The following FUT9 variants were observed in gnomAD, a reference collection of about 807,000 sequenced individuals.
The protein encoded by FUT9 is 4-galactosyl-N-acetylglucosaminide 3-alpha-L-fucosyltransferase 9.
In FUT9, 15 loss-of-function variants were observed where a neutral mutation model predicts 29.7. The ratio of observed to expected loss-of-function variants is 0.51; its 90% confidence interval spans 0.34 to 0.78. The LOEUF (loss-of-function observed/expected upper bound fraction) is 0.78, where lower values mean the gene tolerates loss of function less well. Ranked by LOEUF, FUT9 falls within the 30% of genes least tolerant of loss-of-function variation. The pLI is 0.01. For missense variants in FUT9, 319 were observed against 425.4 expected (o/e 0.75, Z 2.20); for synonymous variants, 169 against 153.7 (o/e 1.10, Z -0.74).
In FUT9 at chr6:96,210,646, A is replaced by G. The variant is rs1224173182; in HGVS notation, c.*6411A>G. ...CTTTCTAGGTTCTAACTGCATGTTT[A>G]TATTTTGCAACAGGAAAGACTGGTC... On this transcript the variant is annotated 3_prime_UTR_variant, in exon 3 of 3. Coordinates refer to ENST00000302103, the MANE Select transcript of FUT9 (RefSeq NM_006581.4). 1 of 166,972 alleles carries G rather than the reference A, an allele frequency of 6.0e-6. No individual in the cohort carries two copies. The highest frequency in any genetic ancestry group is 2.4e-5 in the African/African-American group (1 of 41,456). The allele number at this position is 166,972 out of a possible 1,614,324, so 10.3% of individuals were successfully genotyped here. A position where few individuals can be genotyped will look rare whatever the true frequency, so the allele number is the denominator to read the frequency against.
Position 96,204,188 on chromosome 6 carries a change from CAAGAATAT to C in FUT9, c.1037_1044del (p.Glu346ValfsTer4). 6.8e-7 allele frequency: 1 copy of C among 1,478,446 alleles called. No homozygotes were observed. The highest frequency in any genetic ancestry group is 9.0e-7 in the Non-Finnish European group (1 of 1,112,256). 91.6% of individuals were successfully genotyped at this position (1,478,446 alleles called of 1,614,324 possible). Reference sequence around the variant, plus strand: ...GGCTTGCGATCATGTGAAAAGGCATCAAGAATATAAGTCTGTTGGTAATTTAGAGAAAT... The same window carrying C: ...GGCTTGCGATCATGTGAAAAGGCATCAAGTCTGTTGGTAATTTAGAGAAAT... On this transcript the variant is annotated frameshift_variant, in exon 3 of 3. Transcript: ENST00000302103. LOFTEE classifies it high-confidence loss of function.
Position 96,211,892 on chromosome 6 carries a change from C to A in FUT9, c.*7657C>A. On this transcript the variant is annotated 3_prime_UTR_variant, in exon 3 of 3. Coordinates refer to ENST00000302103, the MANE Select transcript of FUT9 (RefSeq NM_006581.4). ...AAAAACTGATTTATTTTTCTGAGTTCTCTGGAAACCAAACAATTTTGAATT... is the reference window on the plus strand; with the variant it reads ...AAAAACTGATTTATTTTTCTGAGTTATCTGGAAACCAAACAATTTTGAATT... 2.5e-6 allele frequency: 1 copy of A among 401,846 alleles called. No homozygotes were observed. The highest frequency in any genetic ancestry group is 3.6e-5 in the East Asian group (1 of 27,482). The allele number at this position is 401,846 out of a possible 1,614,324, so 24.9% of individuals were successfully genotyped here. A position where few individuals can be genotyped will look rare whatever the true frequency, so the allele number is the denominator to read the frequency against.
chr6:96,113,650 A>T (rs1009431975), intron 1 of FUT9, among the ~76,000 whole-genome samples: 1 of 151,656 alleles, frequency 6.6e-6, no homozygotes, highest in Non-Finnish European at 1.5e-5. Flanking sequence ...CAGGAGATCA[A>T]GACCATCCTG....
intron 2 of FUT9, among the ~76,000 whole-genome samples, chr6:96,121,881 T>C (rs944823255): frequency 6.6e-6 from 1 of 152,062 alleles, no homozygotes; most frequent in Non-Finnish European, 1.5e-5. Flanking sequence ...GGGTAAAACC[T>C]AGTATATGCC....
At chr6:96,070,205 T>G (rs1303783785) in intron 1 of FUT9, among the ~76,000 whole-genome samples, 1 of 152,204 alleles carries the variant, frequency 6.6e-6, no homozygotes, top group Non-Finnish European at 1.5e-5. Flanking sequence ...ATTACATACT[T>G]AAAATGTTTA....
chr6:96,076,318 A>C (rs1301426903), intron 1 of FUT9, among the ~76,000 whole-genome samples: 1 of 152,188 alleles, frequency 6.6e-6, no homozygotes, highest in Non-Finnish European at 1.5e-5. Context: ...ACACAATGTT[A>C]AGGACTGCAA....
At chr6:96,092,804 C>G (rs1400133878) in intron 1 of FUT9, among the ~76,000 whole-genome samples, 6 of 152,026 alleles carry the variant, frequency 3.9e-5, no homozygotes, top group Admixed American at 3.3e-4. Context: ...CAGGGTCTTG[C>G]TCTGTCTCCC....
chr6:96,157,766 A>G (rs1435975350), intron 2 of FUT9, among the ~76,000 whole-genome samples: 2 of 152,134 alleles, frequency 1.3e-5, no homozygotes, highest in East Asian at 1.9e-4. Flanking sequence ...TATAATTTGA[A>G]TCAATATCAT....
chr6:96,174,417 G>T (rs986877429), intron 2 of FUT9, among the ~76,000 whole-genome samples: 4 of 151,964 alleles, frequency 2.6e-5, no homozygotes, highest in African/African-American at 9.7e-5. Flanking sequence ...TTAAATGATG[G>T]CAAATTATAA....
At chr6:96,053,076 T>C (rs553715535) in intron 1 of FUT9, among the ~76,000 whole-genome samples, 29 of 152,130 alleles carry the variant, frequency 1.9e-4, no homozygotes, top group African/African-American at 7.0e-4. Context: ...ATGCAAGTAC[T>C]GAATCAGACT....
chr6:96,110,388 T>C lies in FUT9; in HGVS notation c.-97-3651T>C, dbSNP rs190501302. 6.5e-4 allele frequency among the ~76,000 whole-genome samples: 99 copies of C among 152,284 alleles called. 1 individual carries two copies. The highest frequency in any genetic ancestry group is 2.3e-3 in the African/African-American group (96 of 41,566). ...CTAAAGGAAACTTGGGATTGCAAAG[T>C]GAATCTGTCATGCCACAGGGCCTCC... On this transcript the variant is annotated intron_variant, in intron 1 of 2. Coordinates refer to ENST00000302103, the MANE Select transcript of FUT9 (RefSeq NM_006581.4).
rs1446844951 is a variant in FUT9, at chr6:96,207,045, G to T, written c.*2810G>T. On this transcript the variant is annotated 3_prime_UTR_variant, in exon 3 of 3. Coordinates refer to ENST00000302103, the MANE Select transcript of FUT9 (RefSeq NM_006581.4). Reference sequence around the variant, plus strand: ...ACTGTTTCCTAAATTTGAAGTGGAAGAATTAAATGACTCAATGGAACCCTT... The same window carrying T: ...ACTGTTTCCTAAATTTGAAGTGGAATAATTAAATGACTCAATGGAACCCTT... The T allele has an allele frequency of 5.4e-5, 9 of 167,014 alleles. No individual in the cohort carries two copies. The Admixed American group carries it at 5.9e-4, about 11-fold the overall frequency. The allele number at this position is 167,014 out of a possible 1,614,324, so 10.3% of individuals were successfully genotyped here.
At chr6:96,058,096 G>A (rs375934193) in intron 1 of FUT9, among the ~76,000 whole-genome samples, 1 of 152,050 alleles carries the variant, frequency 6.6e-6, no homozygotes, top group Admixed American at 6.6e-5. Context: ...TAGCAGACGG[G>A]CGGTAACTGA....
intron 1 of FUT9, among the ~76,000 whole-genome samples, chr6:96,075,135 C>T (rs764682065): frequency 9.2e-5 from 14 of 151,540 alleles, no homozygotes; most frequent in Admixed American, 2.6e-4. Flanking sequence ...TGTGTGTGTG[C>T]GTGTGTGTGT....
At chr6:96,177,586 T>C (rs12661236) in intron 2 of FUT9, among the ~76,000 whole-genome samples, 61,805 of 151,938 alleles carry the variant, frequency 0.41, 13,913 homozygotes, top group South Asian at 0.71. Flanking sequence ...AGTTAACTCC[T>C]GGTAAAGAGC....
At chr6:96,062,201 G>GA (rs886352870) in intron 1 of FUT9, among the ~76,000 whole-genome samples, 79 of 151,052 alleles carry the variant, frequency 5.2e-4, no homozygotes, top group African/African-American at 1.7e-3. Flanking sequence ...ATGAAAAAAA[G>GA]AAAAAAATCT....
intron 1 of FUT9, among the ~76,000 whole-genome samples, chr6:96,107,494 A>G (rs1322849714): frequency 6.6e-6 from 1 of 152,200 alleles, no homozygotes; most frequent in Non-Finnish European, 1.5e-5. Flanking sequence ...AAAGCTCAGG[A>G]GAAGAAGCTC....
intron 1 of FUT9, among the ~76,000 whole-genome samples, chr6:96,108,922 A>C (rs1024279495): frequency 8.5e-5 from 13 of 152,234 alleles, no homozygotes; most frequent in Admixed American, 5.2e-4. Context: ...AAGGGCAGAG[A>C]GAGAGTGTTA....
At chr6:96,050,543 C>T (rs1770647443) in intron 1 of FUT9, among the ~76,000 whole-genome samples, 1 of 152,202 alleles carries the variant, frequency 6.6e-6, no homozygotes, top group Admixed American at 6.5e-5. Flanking sequence ...TACAAAACCA[C>T]ACAGTTGGAT....
Sources: gnomAD v4.1 joint callset for allele counts (sites outside exome capture counted in the v4.1 genomes callset) on GRCh38, gnomAD v4.1.1 for gene constraint, MANE v1.5 for transcripts, NCBI Gene and HGNC (gene_info 2026-07-23, HGNC 2026-07-21) for gene names.